The following CLNK variants were observed in gnomAD, a reference collection of about 807,000 sequenced individuals.
The protein encoded by CLNK is cytokine-dependent hematopoietic cell linker.
A neutral mutation model predicts 68.6 loss-of-function variants in CLNK; 74 were observed. That is an observed-to-expected ratio of 1.08 (90% CI 0.89 to 1.31). The LOEUF is 1.31. Ranked by LOEUF, CLNK falls within the 50% of genes most tolerant of loss-of-function variation. The probability of loss-of-function intolerance (pLI) is 0.00; values close to 1 mark genes in which losing one functional copy is unlikely to be tolerated. For synonymous variants in CLNK, 198 were observed against 172.2 expected (o/e 1.15, Z -1.17); for missense variants, 553 against 515.3 (o/e 1.07, Z -0.71).
In CLNK at chr4:10,510,970, T is replaced by A. The variant is rs145424642; in HGVS notation, c.906+2494A>T. The stretch of plus-strand genomic sequence containing the variant: ...GAGTTCAAGATCAGCCTGGCCAACG[T>A]GGTGAAACCCCGTCTGTACTGAAAA... On this transcript the variant is annotated intron_variant, in intron 16 of 18. Coordinates refer to ENST00000226951, the MANE Select transcript of CLNK (RefSeq NM_052964.4). Among the ~76,000 whole-genome samples, 1,040 of 152,316 alleles carry A rather than the reference T, an allele frequency of 6.8e-3. 14 individuals carry two copies. The highest frequency in any genetic ancestry group is 0.023 in the African/African-American group (976 of 41,568).
At chr4:10,678,403 A>G (rs766698437) in intron 1 of CLNK, among the ~76,000 whole-genome samples, 4 of 152,206 alleles carry the variant, frequency 2.6e-5, no homozygotes, top group Non-Finnish European at 5.9e-5. Context: ...GTGCCGTGAA[A>G]AACTCTGAGG....
At chr4:10,523,401 A>G (rs1314335433) in intron 14 of CLNK, among the ~76,000 whole-genome samples, 1 of 152,180 alleles carries the variant, frequency 6.6e-6, no homozygotes, top group Non-Finnish European at 1.5e-5. Context: ...TTTGGGAATT[A>G]TCAACATGGG....
At chr4:10,725,487 C>T in the CLNK span, among the ~76,000 whole-genome samples, 23 of 152,064 alleles carry the variant, frequency 1.5e-4, no homozygotes, top group Non-Finnish European at 2.9e-4. Context: ...GCAGGTTCCT[C>T]GGCCATCAGA....
At chr4:10,564,878 A>G (rs1720042834) in intron 6 of CLNK, 101 bp from the exon 7 acceptor site, 3 of 750,604 alleles carry the variant, frequency 4.0e-6, no homozygotes, top group Middle Eastern at 6.0e-4. Context: ...GATCATTACA[A>G]CGTAAGTAAG....
chr4:10,572,057 T>C (rs1720375454), intron 4 of CLNK, among the ~76,000 whole-genome samples: 1 of 152,208 alleles, frequency 6.6e-6, no homozygotes, highest in African/African-American at 2.4e-5. Context: ...AGGTCAAAAT[T>C]CCTGTTGCTA....
chr4:10,631,422 CAAGA>C (rs1722885950), intron 2 of CLNK, among the ~76,000 whole-genome samples: 1 of 152,044 alleles, frequency 6.6e-6, no homozygotes, highest in Non-Finnish European at 1.5e-5. Context: ...ATGCTCAGAC[CAAGA>C]AAGAAAGAAA....
At chr4:10,579,851 G>A (rs1319101852) in intron 4 of CLNK, among the ~76,000 whole-genome samples, 2 of 152,150 alleles carry the variant, frequency 1.3e-5, no homozygotes, top group Non-Finnish European at 2.9e-5. Context: ...AAAGGCTAGG[G>A]TAGGAGGGCC....
chr4:10,696,250 C>T, the CLNK span, among the ~76,000 whole-genome samples: 16 of 152,196 alleles, frequency 1.1e-4, no homozygotes, highest in African/African-American at 3.9e-4. Context: ...TCTTTTTTGG[C>T]CTTGCCGTTC....
At chr4:10,573,652 C>T (rs976032344) in intron 4 of CLNK, among the ~76,000 whole-genome samples, 7 of 152,194 alleles carry the variant, frequency 4.6e-5, no homozygotes, top group Admixed American at 1.3e-4. Flanking sequence ...AGGAAAACAA[C>T]TCCACTGTTT....
chr4:10,627,002 C>A (rs1019977866), intron 2 of CLNK, among the ~76,000 whole-genome samples: 3 of 152,206 alleles, frequency 2.0e-5, no homozygotes, highest in Admixed American at 6.5e-5. Context: ...TACAGCCAGC[C>A]TCTGTAAACT....
chr4:10,622,271 T>C (rs1722486359), intron 2 of CLNK, among the ~76,000 whole-genome samples: 1 of 152,244 alleles, frequency 6.6e-6, no homozygotes, highest in Non-Finnish European at 1.5e-5. Context: ...TTGAGGCTTG[T>C]GGTCATATAG....
intron 1 of CLNK, among the ~76,000 whole-genome samples, chr4:10,669,543 G>A (rs1724544353): frequency 2.0e-5 from 3 of 152,306 alleles, no homozygotes; most frequent in East Asian, 3.9e-4. Context: ...GGTGAAACTG[G>A]AAGGGTTGGT....
chr4:10,542,288 A>G lies in CLNK; in HGVS notation c.446-8T>C, dbSNP rs1205601377. On this transcript the variant is annotated splice_region_variant and splice_polypyrimidine_tract_variant and intron_variant, in intron 8 of 18. Transcript: ENST00000226951. ...TTCTTACGGATGCATCTCCTAAAAC[A>G]TAAGAGGGAATAGCAGTGAATTTAT... 1.3e-6 allele frequency: 2 copies of G among 1,525,472 alleles called. No homozygotes were observed. Among genetic ancestry groups the G allele is most frequent in the African/African-American group, 1.4e-5 (1 of 73,252 alleles). The allele number at this position is 1,525,472 out of a possible 1,614,324, so 94.5% of individuals were successfully genotyped here.
chr4:10,699,466 GTCTC>G, the CLNK span, among the ~76,000 whole-genome samples: 5,448 of 60,492 alleles, frequency 0.09, 317 homozygotes, highest in South Asian at 0.22. Flanking sequence ...CATCCTCTCT[GTCTC>G]TCTCTCTCTC....
At chr4:10,569,701 C>A (rs185879066) in intron 5 of CLNK, among the ~76,000 whole-genome samples, 118 of 152,240 alleles carry the variant, frequency 7.8e-4, no homozygotes, top group Non-Finnish European at 1.4e-3. Flanking sequence ...TGTGCTCCTC[C>A]GCATTAAAAT....
chr4:10,697,639 A>G, the CLNK span: 1 of 152,212 alleles, frequency 6.6e-6, no homozygotes, highest in Non-Finnish European at 1.5e-5. Context: ...ATGCCAGAGT[A>G]GACTCTTCTT....
chr4:10,697,074 T>C, the CLNK span: 3 of 152,244 alleles, frequency 2.0e-5, no homozygotes, highest in Non-Finnish European at 4.4e-5. Context: ...CAGCTATGAA[T>C]AGCAAACCCA....
At chr4:10,683,153 A>T (rs573605588) in intron 1 of CLNK, among the ~76,000 whole-genome samples, 1 of 152,352 alleles carries the variant, frequency 6.6e-6, no homozygotes, top group African/African-American at 2.4e-5. Flanking sequence ...TGAGGATCAT[A>T]TATGAAACAA....
At chr4:10,627,059 AG>A (rs1722702113) in intron 2 of CLNK, among the ~76,000 whole-genome samples, 1 of 152,244 alleles carries the variant, frequency 6.6e-6, no homozygotes. Flanking sequence ...AGCGGTGTCC[AG>A]GGCAGCTTTC....
Sources: allele counts gnomAD v4.1 joint callset (sites outside exome capture counted in the v4.1 genomes callset), GRCh38; gene constraint gnomAD v4.1.1; transcripts MANE v1.5; gene names NCBI Gene and HGNC (gene_info 2026-07-23, HGNC 2026-07-21).